Variants in POLA1 observed in about 807,000 individuals in gnomAD.
POLA1 encodes the protein DNA polymerase alpha catalytic subunit.
Under a neutral mutation model 124.0 loss-of-function variants are expected in POLA1, and 15 were observed. The ratio of observed to expected loss-of-function variants is 0.12; its 90% CI spans 0.08 to 0.19. The LOEUF (loss-of-function observed/expected upper bound fraction) is 0.19. Among genes scored for constraint, POLA1 ranks in the 10% least tolerant of loss-of-function variants. The probability of loss-of-function intolerance (pLI) is 1.00; values close to 1 mark genes in which losing one functional copy is unlikely to be tolerated. For synonymous variants in POLA1, 408 were observed against 389.4 expected (o/e 1.05, Z -0.56); for missense variants, 886 against 1,103.4 (o/e 0.80, Z 2.79).
Position 24,741,146 on chromosome X carries a change from T to C in POLA1, c.2217-229T>C, listed in dbSNP as rs866417383. Reference sequence around the variant, plus strand: ...GTGTGTGTGTGTGTGTGTGTGTGTGTGCGCGCGTGTGTGTGTGTGTGTGTT... The same window carrying C: ...GTGTGTGTGTGTGTGTGTGTGTGTGCGCGCGCGTGTGTGTGTGTGTGTGTT... On this transcript the variant is annotated intron_variant, in intron 20 of 36. Transcript: ENST00000379068. Among the ~76,000 whole-genome samples the C allele has an allele frequency of 7.4e-3, 725 of 97,818 alleles. 4 individuals carry two copies. The highest frequency in any genetic ancestry group is 0.011 in the African/African-American group (282 of 26,725). The allele number at this position is 97,818 out of a possible 115,157, so 84.9% of individuals were successfully genotyped here.
At chrX:24,735,966 A>ATATATCCCCACAAT (rs1931247701) in intron 18 of POLA1, among the ~76,000 whole-genome samples, 1 of 111,540 alleles carries the variant, frequency 9.0e-6, no homozygotes, top group Non-Finnish European at 1.9e-5. Flanking sequence ...TATCCCCACT[A>ATATATCCCCACAAT]GATAGCTTGA....
Position 24,723,203 on chromosome X carries a change from A to C in POLA1, c.1136A>C (p.His379Pro), listed in dbSNP as rs1355179614. 1 of 1,207,402 alleles carries C rather than the reference A, an allele frequency of 8.3e-7. No homozygotes were observed. The highest frequency in any genetic ancestry group is 1.7e-5 in the African/African-American group (1 of 57,280). ...GTTTGGATTGAATCAGCCGAGACCC[A>C]TGTGAGCTGTTGTGTCATGGTGAAA... ...GKVWIESAETHVSCCVMVKNI... is the reference protein window; with the variant it reads ...GKVWIESAETPVSCCVMVKNI... Residue 379 changes from histidine (H) to proline (P), a missense_variant, in exon 11 of 37, where the codon CAT becomes CCT. His to Pro is a moderately conservative substitution (Grantham distance 77). Transcript: ENST00000379068.
At chrX:24,817,824 G>T (rs752939966) in intron 30 of POLA1, among the ~76,000 whole-genome samples, 18 of 109,683 alleles carry the variant, frequency 1.6e-4, no homozygotes, top group African/African-American at 6.0e-4. Context: ...CTAAATGCTT[G>T]CACTATTTAA....
In POLA1 at chrX:24,826,574, G is replaced by C. The variant is rs1268302049; in HGVS notation, c.3709G>C (p.Asp1237His). 9 of 1,203,544 alleles carry C rather than the reference G, an allele frequency of 7.5e-6. No individual in the cohort carries two copies. Among genetic ancestry groups the C allele is most frequent in the Non-Finnish European group, 1.0e-5 (9 of 891,136 alleles). The change falls in exon 32 of 37, where the codon GAT becomes CAT. Residue 1237 changes from aspartate to histidine, a missense_variant. By Grantham distance (81) the Asp-to-His change is moderately conservative (BLOSUM62 -1). Coordinates refer to ENST00000379068, the MANE Select transcript of POLA1 (RefSeq NM_001330360.2). Reference protein sequence around the residue: ...ARICEPIDGIDAVLIATWLGL... With the variant: ...ARICEPIDGIHAVLIATWLGL... Reference sequence around the variant, plus strand: ...GATCTGTGAACCAATAGACGGAATTGATGCTGTCCTCATTGCAACGTGGTT... The same window carrying C: ...GATCTGTGAACCAATAGACGGAATTCATGCTGTCCTCATTGCAACGTGGTT...
chrX:24,944,384 C>T (rs1267527814), intron 36 of POLA1, among the ~76,000 whole-genome samples: 2 of 109,904 alleles, frequency 1.8e-5, no homozygotes, highest in Non-Finnish European at 3.8e-5. Context: ...GAGAATTATG[C>T]CCCCCCACCC....
chrX:24,881,682 G>A lies in POLA1; in HGVS notation c.4048-6324G>A, dbSNP rs181734401. Reference sequence around the variant, plus strand: ...GCAAAACAAGATGGTAAAATAAGATGGTTAAGAGACAGTGCACCGCAGTGT... The same window carrying A: ...GCAAAACAAGATGGTAAAATAAGATAGTTAAGAGACAGTGCACCGCAGTGT... On this transcript the variant is annotated intron_variant, in intron 34 of 36. Coordinates refer to ENST00000379068, the MANE Select transcript of POLA1 (RefSeq NM_001330360.2). 1.0e-3 allele frequency among the ~76,000 whole-genome samples: 117 copies of A among 111,802 alleles called. 1 individual carries two copies. The highest frequency in any genetic ancestry group is 1.8e-3 in the Non-Finnish European group (97 of 53,174).
chrX:24,967,770 C>G lies in POLA1; in HGVS notation c.4262-28035C>G, dbSNP rs1363563668. 2.7e-5 allele frequency among the ~76,000 whole-genome samples: 3 copies of G among 111,537 alleles called. No homozygotes were observed. In the East Asian group the frequency reaches 8.4e-4, roughly 31 times the overall value. ...TATATAAAGTCACTCTGGAGGGCTG[C>G]TATTAGTGGCTCTCCACTAGAAACA... On this transcript the variant is annotated intron_variant, in intron 36 of 36. Transcript: ENST00000379068.
chrX:24,770,198 T>A (rs1442079411), intron 26 of POLA1, among the ~76,000 whole-genome samples: 1 of 111,853 alleles, frequency 8.9e-6, no homozygotes, highest in Non-Finnish European at 1.9e-5. Context: ...ATGTGCCAGG[T>A]ACAGTATTGA....
intron 1 of POLA1, among the ~76,000 whole-genome samples, chrX:24,695,252 G>A (rs994261578): frequency 9.0e-6 from 1 of 111,270 alleles, no homozygotes; most frequent in East Asian, 2.8e-4. Flanking sequence ...ACTCCAGATG[G>A]TAATTTTGAA....
chrX:24,849,695 A>G (rs181794829), intron 34 of POLA1, among the ~76,000 whole-genome samples: 224 of 104,379 alleles, frequency 2.1e-3, no homozygotes, highest in African/African-American at 7.5e-3. Context: ...CAGTGGTGCA[A>G]TCTCAGCTCA....
At chrX:24,920,159 C>T (rs1051217612) in intron 35 of POLA1, among the ~76,000 whole-genome samples, 1 of 110,603 alleles carries the variant, frequency 9.0e-6, no homozygotes, top group Non-Finnish European at 1.9e-5. Context: ...CCCCTCACCC[C>T]CCACAAATTT....
chrX:24,794,274 C>T (rs1001065737), intron 26 of POLA1, among the ~76,000 whole-genome samples: 20 of 112,238 alleles, frequency 1.8e-4, no homozygotes, highest in African/African-American at 5.8e-4. Flanking sequence ...CCATCACACC[C>T]GGCCTTCCCT....
chrX:24,703,127 T>A, intron 2 of POLA1, 124 bp from the exon 3 acceptor site: 3 of 463,913 alleles, frequency 6.5e-6, no homozygotes, highest in Non-Finnish European at 1.1e-5. Context: ...GAACTCATGA[T>A]TTGGTTGCAG....
intron 1 of POLA1, among the ~76,000 whole-genome samples, chrX:24,694,872 C>T (rs1264073546): frequency 8.9e-6 from 1 of 112,157 alleles, no homozygotes; most frequent in Non-Finnish European, 1.9e-5. Context: ...TTTGCATTCA[C>T]CTAGTTGTGA....
chrX:24,835,059 T>C (rs1245692414), intron 32 of POLA1, among the ~76,000 whole-genome samples: 2 of 108,782 alleles, frequency 1.8e-5, no homozygotes, highest in Non-Finnish European at 3.8e-5. Flanking sequence ...TTTTTTTTTT[T>C]TTTAGAGACA....
chrX:24,795,964 G>A (rs2045598580), intron 26 of POLA1, among the ~76,000 whole-genome samples: 1 of 111,485 alleles, frequency 9.0e-6, no homozygotes, highest in Admixed American at 9.5e-5. Context: ...AATCACTTAT[G>A]ACTTAGTTTC....
chrX:24,943,786 A>T (rs1231462241), intron 36 of POLA1, among the ~76,000 whole-genome samples: 6 of 112,652 alleles, frequency 5.3e-5, no homozygotes, highest in African/African-American at 1.6e-4. Flanking sequence ...TGCATAATTC[A>T]GTAACTTACA....
At position 24,743,332 on chromosome X, in the gene POLA1, A is replaced by G; in HGVS notation, c.2566+3A>G. The G allele has an allele frequency of 9.7e-7, 1 of 1,030,912 alleles. No individual in the cohort carries two copies. Among genetic ancestry groups the G allele is most frequent in the Non-Finnish European group, 1.4e-6 (1 of 738,197 alleles). The allele number at this position is 1,030,912 out of a possible 1,213,427, so 85.0% of individuals were successfully genotyped here. A position where few individuals can be genotyped will look rare whatever the true frequency, so the allele number is the denominator to read the frequency against. The stretch of plus-strand genomic sequence containing the variant: ...CTTGGTTTTGGACCCCAAAGTTGGT[A>G]AGGCTGGGCAGTGAATTGGTTTTCT... On this transcript the variant is annotated splice_donor_region_variant and intron_variant, in intron 23 of 36. Coordinates refer to ENST00000379068, the MANE Select transcript of POLA1 (RefSeq NM_001330360.2).
rs1465348511 is a variant in POLA1 at position 24,841,663 on chromosome X, A to G, written c.3748A>G (p.Thr1250Ala). 8.5e-7 allele frequency: 1 copy of G among 1,172,517 alleles called. No individual in the cohort carries two copies. ...LIATWLGLDP[T>A]QFRVHHYHKD... ...TTTTACATTAATAGGACTTGACCCC[A>G]CCCAATTTAGAGTTCATCATTATCA... Residue 1250 changes from threonine to alanine, a missense_variant, in exon 33 of 37, where the codon ACC (threonine) becomes GCC (alanine). Physicochemically the swap from Thr to Ala is moderately conservative, Grantham distance 58. Coordinates refer to ENST00000379068, the MANE Select transcript of POLA1 (RefSeq NM_001330360.2).
Sources: allele counts gnomAD v4.1 joint callset (sites outside exome capture counted in the v4.1 genomes callset), GRCh38; gene constraint gnomAD v4.1.1; transcripts MANE v1.5; gene names NCBI Gene and HGNC (gene_info 2026-07-23, HGNC 2026-07-21).